KIAA1586: variants seen among roughly 807,000 people sequenced by gnomAD.
KIAA1586 encodes KIAA1586.
In KIAA1586, 5 loss-of-function variants were observed where a neutral mutation model predicts 6.1. The observed-to-expected ratio is 0.82, with a 90% CI of 0.43 to 1.73. KIAA1586 has a LOEUF of 1.73. Ranked by LOEUF, KIAA1586 falls within the 40% of genes most tolerant of loss-of-function variation. The probability of loss-of-function intolerance (pLI) is 0.02; values close to 1 mark genes in which losing one functional copy is unlikely to be tolerated. For synonymous variants in KIAA1586, 280 were observed against 301.7 expected (o/e 0.93, Z 0.75); for missense variants, 899 against 878.2 (o/e 1.02, Z -0.30).
the KIAA1586 span, among the ~76,000 whole-genome samples, chr6:57,063,700 C>G: frequency 2.0e-5 from 3 of 151,950 alleles, no homozygotes; most frequent in Non-Finnish European, 4.4e-5. Context: ...GCGATCTGCC[C>G]GCCTCAGCCT....
chr6:57,066,243 C>A, the KIAA1586 span, among the ~76,000 whole-genome samples: 12 of 152,064 alleles, frequency 7.9e-5, no homozygotes, highest in East Asian at 1.2e-3. Flanking sequence ...CTCAACTCTG[C>A]ACTCCAGTCT....
rs544225366 is a variant in KIAA1586 at position 57,054,958 on chromosome 6, T to C, written c.*95T>C. The C allele has an allele frequency of 2.0e-5, 26 of 1,315,922 alleles. No homozygotes were observed. In the African/African-American group the frequency reaches 3.7e-4, roughly 19 times the overall value. The allele number at this position is 1,315,922 out of a possible 1,614,324, so 81.5% of individuals were successfully genotyped here. A position where few individuals can be genotyped will look rare whatever the true frequency, so the allele number is the denominator to read the frequency against. On this transcript the variant is annotated 3_prime_UTR_variant, in exon 4 of 4. Transcript: ENST00000370733. ...TTTTTTTTTGGAAAGCCAGTTAAAC[T>C]TTTATCAGCATGTTGCTGTTTAAAA... is the stretch of plus-strand genomic sequence containing the variant.
Position 57,054,999 on chromosome 6 carries a change from G to A in KIAA1586, c.*136G>A. ...CTGTTTAAAAGGCGTTCTTTAAGAA[G>A]ATAATCTTGAAGATTGGTTTTAGAA... On this transcript the variant is annotated 3_prime_UTR_variant, in exon 4 of 4. Coordinates refer to ENST00000370733, the MANE Select transcript of KIAA1586 (RefSeq NM_020931.4). 4.9e-6 allele frequency: 5 copies of A among 1,021,708 alleles called. No homozygotes were observed. The highest frequency in any genetic ancestry group is 6.8e-6 in the Non-Finnish European group (5 of 731,772). The allele number at this position is 1,021,708 out of a possible 1,614,324, so 63.3% of individuals were successfully genotyped here.
At chr6:57,059,941 TTCAAG>T (rs1360446649), downstream of KIAA1586, among the ~76,000 whole-genome samples, 1 of 152,202 alleles carries the variant, frequency 6.6e-6, no homozygotes, top group Non-Finnish European at 1.5e-5. Flanking sequence ...GTTATTTTGG[TTCAAG>T]TCATTATTTT....
At chr6:57,048,206 A>G (rs1828232441) in intron 2 of KIAA1586, among the ~76,000 whole-genome samples, 1 of 152,104 alleles carries the variant, frequency 6.6e-6, no homozygotes, top group African/African-American at 2.4e-5. Flanking sequence ...GCCAGGCAGA[A>G]AACAGTTCTG....
At chr6:57,057,688 A>AG (rs1331332095), downstream of KIAA1586, among the ~76,000 whole-genome samples, 1 of 152,102 alleles carries the variant, frequency 6.6e-6, no homozygotes, top group Non-Finnish European at 1.5e-5. Context: ...TGGGAGGCAG[A>AG]GGTTTCTGAG....
At chr6:57,065,645 C>A in the KIAA1586 span, among the ~76,000 whole-genome samples, 6 of 152,108 alleles carry the variant, frequency 3.9e-5, no homozygotes, top group Admixed American at 3.3e-4. Context: ...CACCACCACA[C>A]CTGGCTAACA....
At chr6:57,048,763 C>T (rs1324749819) in intron 2 of KIAA1586, among the ~76,000 whole-genome samples, 2 of 152,084 alleles carry the variant, frequency 1.3e-5, no homozygotes, top group East Asian at 1.9e-4. Flanking sequence ...AAGTGACACA[C>T]GTCTGATTGA....
downstream of KIAA1586, among the ~76,000 whole-genome samples, chr6:57,059,588 GAA>G (rs36057059): frequency 7.1e-6 from 1 of 141,690 alleles, no homozygotes; most frequent in African/African-American, 2.6e-5. Context: ...GACTCTGTCT[GAA>G]AAAAAAAAAA....
At chr6:57,063,383 A>T in the KIAA1586 span, among the ~76,000 whole-genome samples, 1 of 151,824 alleles carries the variant, frequency 6.6e-6, no homozygotes, top group African/African-American at 2.4e-5. Flanking sequence ...TTAAAATCAC[A>T]TGAGATAAAT....
At chr6:57,061,274 C>A in the KIAA1586 span, among the ~76,000 whole-genome samples, 2 of 152,182 alleles carry the variant, frequency 1.3e-5, no homozygotes, top group East Asian at 3.9e-4. Context: ...CCGCGCCCGG[C>A]CATGTTCCAC....
Position 57,054,287 on chromosome 6 carries a change from T to C in KIAA1586, c.1788T>C (p.Asn596=). ...AAGATATTCCATTTAATAAAAACAA[T>C]AAATTTAATGCTCTTCCTAGGAGTA... ...KFKDIPFNKN[N]KFNALPRSIL... The change falls in exon 4 of 4, where the codon AAT becomes AAC. Residue 596 remains asparagine, a synonymous_variant. Coordinates refer to ENST00000370733, the MANE Select transcript of KIAA1586 (RefSeq NM_020931.4). The C allele has an allele frequency of 6.3e-7, 1 of 1,580,400 alleles. No homozygotes were observed. Among genetic ancestry groups the C allele is most frequent in the Non-Finnish European group, 8.6e-7 (1 of 1,166,324 alleles).
intron 2 of KIAA1586, among the ~76,000 whole-genome samples, chr6:57,048,307 TTC>T (rs1368272023): frequency 6.6e-6 from 1 of 152,208 alleles, no homozygotes; most frequent in Non-Finnish European, 1.5e-5. Context: ...TGTCTAATGT[TTC>T]TGTGTTTTTT....
chr6:57,059,015 A>T (rs1828532421), downstream of KIAA1586, among the ~76,000 whole-genome samples: 1 of 152,194 alleles, frequency 6.6e-6, no homozygotes, highest in South Asian at 2.1e-4. Flanking sequence ...TATGAAAAAT[A>T]AAATAAAATG....
At chr6:57,058,270 GAT>G (rs1165768226), downstream of KIAA1586, among the ~76,000 whole-genome samples, 109 of 152,224 alleles carry the variant, frequency 7.2e-4, 1 homozygote, top group Non-Finnish European at 1.5e-5. Flanking sequence ...TCCACTAAAT[GAT>G]ATGGTTTGAA....
the KIAA1586 span, among the ~76,000 whole-genome samples, chr6:57,066,112 A>G: frequency 1.4e-5 from 2 of 146,516 alleles, no homozygotes; most frequent in Non-Finnish European, 1.5e-5. Flanking sequence ...ACCTGTCTCT[A>G]CTGAAAAAAA....
chr6:57,054,096 C>A lies in KIAA1586; in HGVS notation c.1597C>A (p.Leu533Ile). 1 of 1,609,060 alleles carries A rather than the reference C, an allele frequency of 6.2e-7. No homozygotes were observed. Among genetic ancestry groups the A allele is most frequent in the South Asian group, 1.1e-5 (1 of 90,190 alleles). The change falls in exon 4 of 4, where the codon CTT becomes ATT. Residue 533 changes from leucine to isoleucine, a missense_variant. Coordinates refer to ENST00000370733, the MANE Select transcript of KIAA1586 (RefSeq NM_020931.4). ...LQDLALMIDI[L>I]EEFSVLSTAL... ...AGACCTTGCTTTAATGATTGACATT[C>A]TTGAAGAATTTTCAGTACTTTCAAC...
chr6:57,052,426 T>G (rs1334320992), intron 3 of KIAA1586, among the ~76,000 whole-genome samples: 1 of 152,174 alleles, frequency 6.6e-6, no homozygotes, highest in Admixed American at 6.5e-5. Context: ...GCGAAACATA[T>G]GACCAACCAT....
In KIAA1586 at chr6:57,055,031, GT is replaced by G. The variant is rs1439667548; in HGVS notation, c.*174del. ...TTGAAGATTGGTTTTAGAAGCTATAGTTTTTTAGAGATTGGCCCATGTTTGC... is the reference window on the plus strand; with the variant it reads ...TTGAAGATTGGTTTTAGAAGCTATAGTTTTTAGAGATTGGCCCATGTTTGC... On this transcript the variant is annotated 3_prime_UTR_variant, in exon 4 of 4. Transcript: ENST00000370733. 6.6e-6 allele frequency: 5 copies of G among 758,014 alleles called. No individual in the cohort carries two copies. The East Asian group carries it at 1.2e-4, about 18-fold the overall frequency. The allele number at this position is 758,014 out of a possible 1,614,324, so 47.0% of individuals were successfully genotyped here. A position where few individuals can be genotyped will look rare whatever the true frequency, so the allele number is the denominator to read the frequency against.
Sources: gnomAD v4.1 joint callset for allele counts (sites outside exome capture counted in the v4.1 genomes callset) on GRCh38, gnomAD v4.1.1 for gene constraint, MANE v1.5 for transcripts, NCBI Gene and HGNC (gene_info 2026-07-23, HGNC 2026-07-21) for gene names.